CSMD1: variants seen among roughly 807,000 people sequenced by gnomAD.
The protein encoded by CSMD1 is CUB and sushi domain-containing protein 1.
In CSMD1, 213 loss-of-function variants were observed where a neutral mutation model predicts 417.5. That is an observed-to-expected ratio of 0.51 (90% confidence interval 0.46 to 0.57). CSMD1 has a LOEUF of 0.57. Ranked by LOEUF, CSMD1 falls within the 20% of genes least tolerant of loss-of-function variation. The pLI is 0.00. For synonymous variants in CSMD1, 2,862 were observed against 1,736.8 expected (o/e 1.65, Z -16.11); for missense variants, 6,923 against 4,529.7 (o/e 1.53, Z -15.17).
chr8:3,393,531 G>C (rs1490543106), intron 17 of CSMD1, among the ~76,000 whole-genome samples: 1 of 152,024 alleles, frequency 6.6e-6, no homozygotes, highest in Non-Finnish European at 1.5e-5. Flanking sequence ...CTTCTTTTGA[G>C]AAGTGTCTGT....
At chr8:4,534,379 G>A (rs1017815104) in intron 2 of CSMD1, among the ~76,000 whole-genome samples, 12 of 152,292 alleles carry the variant, frequency 7.9e-5, no homozygotes, top group Non-Finnish European at 1.5e-5. Flanking sequence ...TGCATGGATG[G>A]TTTATCAATT....
In CSMD1 at chr8:2,977,177, C is replaced by A. The variant is rs62487751; in HGVS notation, c.8566+1435G>T. Among the ~76,000 whole-genome samples, 468 of 152,188 alleles carry A rather than the reference C, an allele frequency of 3.1e-3. 2 individuals carry two copies. Among genetic ancestry groups the A allele is most frequent in the Admixed American group, 7.9e-3 (120 of 15,278 alleles). Reference sequence around the variant, plus strand: ...GGTTTGTTACGCAGGGAAATGTGTGCCATGGTGGTTTGCTGCACCTATCAA... The same window carrying A: ...GGTTTGTTACGCAGGGAAATGTGTGACATGGTGGTTTGCTGCACCTATCAA... On this transcript the variant is annotated intron_variant, in intron 55 of 69. Coordinates refer to ENST00000635120, the MANE Select transcript of CSMD1 (RefSeq NM_033225.6).
At chr8:4,988,459 C>T (rs185249727) in intron 1 of CSMD1, among the ~76,000 whole-genome samples, 33 of 152,290 alleles carry the variant, frequency 2.2e-4, no homozygotes, top group Admixed American at 1.7e-3. Flanking sequence ...AATATGCCTG[C>T]ATGATCTTTT....
chr8:3,933,334 C>T (rs555840462), intron 5 of CSMD1, among the ~76,000 whole-genome samples: 15 of 152,284 alleles, frequency 9.9e-5, no homozygotes, highest in Non-Finnish European at 2.2e-4. Flanking sequence ...CATTAAATTA[C>T]TTGAACCATT....
intron 12 of CSMD1, among the ~76,000 whole-genome samples, chr8:3,429,652 G>A (rs1226848482): frequency 5.9e-5 from 9 of 152,172 alleles, no homozygotes; most frequent in South Asian, 2.1e-4. Context: ...AAAACTCATC[G>A]AATTGCACAC....
chr8:4,085,149 G>C (rs554905483), intron 3 of CSMD1, among the ~76,000 whole-genome samples: 1 of 152,108 alleles, frequency 6.6e-6, no homozygotes, highest in South Asian at 2.1e-4. Flanking sequence ...CGGCCTTGAA[G>C]GCGTCACCAT....
chr8:4,327,217 G>C (rs1244203803), intron 3 of CSMD1, among the ~76,000 whole-genome samples: 1 of 152,170 alleles, frequency 6.6e-6, no homozygotes, highest in Non-Finnish European at 1.5e-5. Context: ...CTTTAAAAAT[G>C]ATATAGCTTA....
At chr8:3,489,388 G>A (rs1818237898) in intron 11 of CSMD1, among the ~76,000 whole-genome samples, 1 of 152,240 alleles carries the variant, frequency 6.6e-6, no homozygotes, top group Non-Finnish European at 1.5e-5. Context: ...TGTAACCTGT[G>A]CCTGCCACCC....
In CSMD1 at chr8:3,286,006, G is replaced by C. The variant is rs556745081; in HGVS notation, c.3951-1660C>G. ...CACTTCCCACAACAGGCCCCAGTGT[G>C]TGATGTTCCCCTTCCTGTGTCCATG... On this transcript the variant is annotated intron_variant, in intron 25 of 69. Transcript: ENST00000635120. Among the ~76,000 whole-genome samples the C allele has an allele frequency of 1.9e-4, 29 of 152,202 alleles. 1 individual carries two copies. The East Asian group carries it at 5.2e-3, about 27-fold the overall frequency.
At chr8:4,093,250 T>A (rs1800814900) in intron 3 of CSMD1, among the ~76,000 whole-genome samples, 1 of 130,940 alleles carries the variant, frequency 7.6e-6, no homozygotes, top group South Asian at 2.3e-4. Flanking sequence ...ACTTTGCTAA[T>A]TAAGCTAAAA....
intron 2 of CSMD1, among the ~76,000 whole-genome samples, chr8:4,635,771 C>G (rs1802780412): frequency 6.6e-6 from 1 of 151,946 alleles, no homozygotes; most frequent in Non-Finnish European, 1.5e-5. Flanking sequence ...AAGCCTACAT[C>G]AAATTAGCAA....
rs1449314564 is a variant in CSMD1 at position 4,475,662 on chromosome 8, G to GCCA, written c.303-55598_303-55597insTGG. On this transcript the variant is annotated intron_variant, in intron 2 of 69. Transcript: ENST00000635120. ...GACGGAGTCGCCCTTTGTCACCCAG[G>GCCA]CTGGAGTGCAGTGGCATGATCTCAG... 1.1e-4 allele frequency among the ~76,000 whole-genome samples: 15 copies of GCCA among 134,080 alleles called. No individual in the cohort carries two copies. The Admixed American group carries it at 1.2e-3, about 11-fold the overall frequency. The allele number at this position is 134,080 out of a possible 152,430, so 88.0% of individuals were successfully genotyped here.
intron 5 of CSMD1, among the ~76,000 whole-genome samples, chr8:3,848,994 T>C (rs1319736192): frequency 2.0e-5 from 3 of 151,732 alleles, no homozygotes; most frequent in African/African-American, 7.3e-5. Context: ...CTTATAATAA[T>C]GGACTTTCAT....
At position 4,220,723 on chromosome 8, in the gene CSMD1, C is replaced by A. The variant is rs1054441054; in HGVS notation, c.416-188624G>T. ...TCCCAGGTGCATGCATTGAGCAATT[C>A]ACTAGCTGGGATGAGAAAGACAGAG... On this transcript the variant is annotated intron_variant, in intron 3 of 69. Coordinates refer to ENST00000635120, the MANE Select transcript of CSMD1 (RefSeq NM_033225.6). Among the ~76,000 whole-genome samples, 3 of 152,304 alleles carry A rather than the reference C, an allele frequency of 2.0e-5. No homozygotes were observed. The East Asian group carries it at 5.8e-4, about 29-fold the overall frequency.
chr8:3,162,101 A>T (rs1324602661), intron 38 of CSMD1, 58 bp downstream of exon 38: 1 of 1,119,120 alleles, frequency 8.9e-7, no homozygotes, highest in Non-Finnish European at 1.3e-6. Flanking sequence ...TGGCTTTAAG[A>T]GAGCTGCACA....
intron 12 of CSMD1, among the ~76,000 whole-genome samples, chr8:3,415,017 T>C (rs1813042244): frequency 6.6e-6 from 1 of 152,226 alleles, no homozygotes; most frequent in East Asian, 1.9e-4. Flanking sequence ...GTTAAATCTG[T>C]AGCACCTGTT....
chr8:4,085,589 A>G (rs1464836041), intron 3 of CSMD1, among the ~76,000 whole-genome samples: 1 of 152,170 alleles, frequency 6.6e-6, no homozygotes, highest in East Asian at 1.9e-4. Context: ...GAAACTATCG[A>G]CGCTTGCAAC....
intron 1 of CSMD1, among the ~76,000 whole-genome samples, chr8:4,686,207 T>G (rs1806379045): frequency 6.6e-6 from 1 of 152,220 alleles, no homozygotes; most frequent in African/African-American, 2.4e-5. Flanking sequence ...TTGGAGTTAG[T>G]AAGGCTTTTC....
At chr8:4,426,435 T>C (rs10096868) in intron 2 of CSMD1, among the ~76,000 whole-genome samples, 76,465 of 147,696 alleles carry the variant, frequency 0.52, 20,254 homozygotes, top group Non-Finnish European at 0.59. Context: ...AAACATATAC[T>C]ATATAGAGCA....
Sources: gnomAD v4.1 joint callset for allele counts (sites outside exome capture counted in the v4.1 genomes callset) on GRCh38, gnomAD v4.1.1 for gene constraint, MANE v1.5 for transcripts, NCBI Gene and HGNC (gene_info 2026-07-23, HGNC 2026-07-21) for gene names.